Variants in SYNE2 observed in about 807,000 individuals in gnomAD.
SYNE2 encodes nesprin-2.
Under a neutral mutation model 856.3 loss-of-function variants are expected in SYNE2, and 431 were observed. The observed-to-expected ratio is 0.50, with a 90% CI of 0.47 to 0.55. SYNE2 has a LOEUF of 0.55. Ranked by LOEUF, SYNE2 falls within the 20% of genes least tolerant of loss-of-function variation. The pLI, the probability that SYNE2 is intolerant of heterozygous loss-of-function variation, is 0.00. For missense variants in SYNE2, 8,129 were observed against 8,023.2 expected, an observed-to-expected ratio of 1.01 and a Z score of -0.50; for synonymous variants, 2,923 against 2,872.3, an observed-to-expected ratio of 1.02 and a Z score of -0.56.
chr14:63,776,399 C>T (rs1887106153), intron 1 of SYNE2, among the ~76,000 whole-genome samples: 1 of 152,050 alleles, frequency 6.6e-6, no homozygotes, highest in African/African-American at 2.4e-5. Flanking sequence ...AGTTTTACTA[C>T]CATAATGAAA....
chr14:64,024,336 C>G lies in SYNE2; in HGVS notation c.5717C>G (p.Pro1906Arg), dbSNP rs2096960808. Reference protein sequence around the residue: ...SVLKHVKKHLPKAHVKELISW... With the variant: ...SVLKHVKKHLRKAHVKELISW... ...CTGAAGCATGTGAAGAAGCATCTGC[C>G]CAAAGCACATGTGAAGGAGCTTATC... Residue 1906 changes from proline to arginine, a missense_variant, in exon 39 of 116, where the codon CCC becomes CGC. Pro to Arg is a moderately radical substitution (Grantham distance 103). This residue lies in a region of SYNE2 where 2,422 missense variants were observed against 2,357.4 expected (regional missense o/e 1.03). Coordinates refer to ENST00000555002, the MANE Select transcript of SYNE2 (RefSeq NM_182914.3). 6.2e-7 allele frequency: 1 copy of G among 1,614,006 alleles called. No homozygotes were observed. The highest frequency in any genetic ancestry group is 2.2e-5 in the East Asian group (1 of 44,884).
At chr14:64,173,140 A>G (rs893637289) in intron 94 of SYNE2, among the ~76,000 whole-genome samples, 9 of 152,178 alleles carry the variant, frequency 5.9e-5, no homozygotes, top group Admixed American at 3.9e-4. Context: ...TAGGAGACGC[A>G]GTGCGTTAGG....
intron 32 of SYNE2, among the ~76,000 whole-genome samples, chr14:64,014,929 TTATATATATATATATATATA>T (rs372523173): frequency 2.4e-4 from 19 of 78,826 alleles, no homozygotes; most frequent in Admixed American, 1.2e-3. Flanking sequence ...GTATAATTCC[TTATATATATATATATATATA>T]TATATATATA....
intron 78 of SYNE2, 107 bp from the exon 79 acceptor site, chr14:64,137,679 AC>A: frequency 8.9e-7 from 1 of 1,121,908 alleles, no homozygotes; most frequent in Non-Finnish European, 1.3e-6. Context: ...GGAAAGTGTT[AC>A]TGTTTTATCA....
intron 30 of SYNE2, among the ~76,000 whole-genome samples, chr14:64,006,793 A>C (rs906106236): frequency 1.1e-4 from 17 of 152,290 alleles, no homozygotes; most frequent in Middle Eastern, 3.4e-3. Context: ...GCGCCACTGC[A>C]CTCAGCGTAG....
chr14:64,152,849 G>A, intron 85 of SYNE2, 133 bp downstream of exon 85: 1 of 1,193,832 alleles, frequency 8.4e-7, no homozygotes, highest in Non-Finnish European at 1.2e-6. Flanking sequence ...GAGAAAAATT[G>A]AAGTAAATTA....
chr14:64,194,361 C>T (rs1225084720), intron 99 of SYNE2, among the ~76,000 whole-genome samples: 1 of 151,948 alleles, frequency 6.6e-6, no homozygotes, highest in Non-Finnish European at 1.5e-5. Context: ...GGCACAGTCA[C>T]AGCTCACTGC....
intron 1 of SYNE2, among the ~76,000 whole-genome samples, chr14:63,904,407 C>A (rs2095379841): frequency 6.6e-6 from 1 of 152,154 alleles, no homozygotes. Context: ...AACTGCTTTC[C>A]ACAGTGGCTG....
Position 64,145,603 on chromosome 14 carries a change from TA to T in SYNE2, c.15484-459del, listed in dbSNP as rs201743214. On this transcript the variant is annotated intron_variant, in intron 83 of 115. Coordinates refer to ENST00000555002, the MANE Select transcript of SYNE2 (RefSeq NM_182914.3). The stretch of plus-strand genomic sequence containing the variant: ...TGTGTATATTATGATTATGACCTAA[TA>T]AAAAATTTATTATGAATGAGAATCA... 5.6e-3 allele frequency among the ~76,000 whole-genome samples: 856 copies of T among 152,108 alleles called. 7 individuals carry two copies. The highest frequency in any genetic ancestry group is 8.8e-3 in the Non-Finnish European group (601 of 68,002).
intron 76 of SYNE2, among the ~76,000 whole-genome samples, chr14:64,131,593 T>G (rs2098022164): frequency 6.6e-6 from 1 of 152,152 alleles, no homozygotes; most frequent in Non-Finnish European, 1.5e-5. Flanking sequence ...TGTTTTTGTT[T>G]TTTTAAGAGA....
chr14:64,123,178 T>C (rs61987276), intron 70 of SYNE2, among the ~76,000 whole-genome samples: 3,418 of 152,234 alleles, frequency 0.022, 45 homozygotes, highest in African/African-American at 0.037. Flanking sequence ...CTTTGGAATC[T>C]ACCATGTGCC....
chr14:63,995,270 T>C, intron 23 of SYNE2, 68 bp downstream of exon 23: 1 of 1,397,512 alleles, frequency 7.2e-7, no homozygotes, highest in East Asian at 2.4e-5. Context: ...GTTGTGTGTA[T>C]CTTTAGCCTA....
At position 64,170,347 on chromosome 14, in the gene SYNE2, C is replaced by T. The variant is rs764275809; in HGVS notation, c.17120C>T (p.Thr5707Ile). 6.2e-7 allele frequency: 1 copy of T among 1,614,044 alleles called. No individual in the cohort carries two copies. Among genetic ancestry groups the T allele is most frequent in the Non-Finnish European group, 8.5e-7 (1 of 1,180,034 alleles). Residue 5707 changes from threonine (T) to isoleucine (I), a missense_variant, in exon 94 of 116, where the codon ACT (threonine) becomes ATT (isoleucine). By Grantham distance (89) the Thr-to-Ile change is moderately conservative (BLOSUM62 -1). Transcript: ENST00000555002. ...GLVRQWQDFT[T>I]SVENLFRFLT... Reference sequence around the variant, plus strand: ...GTGAGGCAGTGGCAAGATTTCACTACTTCTGTGGAGAACTTGTTTCGCTTC... The same window carrying T: ...GTGAGGCAGTGGCAAGATTTCACTATTTCTGTGGAGAACTTGTTTCGCTTC...
chr14:64,167,421 T>G, intron 91 of SYNE2, 34 bp downstream of exon 91: 1 of 1,614,232 alleles, frequency 6.2e-7, no homozygotes, highest in South Asian at 1.1e-5. Flanking sequence ...TTGTTTCAAT[T>G]AAGGTAAAAT....
In SYNE2 at chr14:64,049,862, G is replaced by C; in HGVS notation, c.7629G>C (p.Lys2543Asn). The C allele has an allele frequency of 1.2e-6, 2 of 1,614,042 alleles. No individual in the cohort carries two copies. Among genetic ancestry groups the C allele is most frequent in the Non-Finnish European group, 1.7e-6 (2 of 1,179,960 alleles). ...ESSMKALLTD[K>N]ESLKVGPLDS... Reference sequence around the variant, plus strand: ...CAATGAAAGCCTTGTTGACAGACAAGGAAAGTCTTAAAGTGTAAGTGTAAG... The same window carrying C: ...CAATGAAAGCCTTGTTGACAGACAACGAAAGTCTTAAAGTGTAAGTGTAAG... Residue 2543 changes from lysine (K) to asparagine (N), a missense_variant, in exon 47 of 116, where the codon AAG becomes AAC. By Grantham distance (94) the Lys-to-Asn change is moderately conservative. Around this residue, in one of 3 missense-constraint regions of SYNE2, gnomAD observed 5,410 missense variants for 5,284.8 expected, o/e 1.02. Coordinates refer to ENST00000555002, the MANE Select transcript of SYNE2 (RefSeq NM_182914.3).
Position 63,986,572 on chromosome 14 carries a change from T to G in SYNE2, c.2268T>G (p.Val756=), listed in dbSNP as rs1233679313. The G allele has an allele frequency of 6.2e-7, 1 of 1,614,122 alleles. No homozygotes were observed. The highest frequency in any genetic ancestry group is 1.1e-5 in the South Asian group (1 of 91,078). ...TCTGGGAGGCAGAAGCCAAATCTGT[T>G]TTGGATCAAGATGATGTGGACACCT... is the stretch of plus-strand genomic sequence containing the variant. ...VEIWEAEAKS[V]LDQDDVDTSM... Residue 756 remains valine (V), a synonymous_variant, in exon 19 of 116, where the codon GTT becomes GTG. Transcript: ENST00000555002.
chr14:63,899,743 C>T (rs571285358), intron 1 of SYNE2, among the ~76,000 whole-genome samples: 2 of 152,234 alleles, frequency 1.3e-5, no homozygotes, highest in South Asian at 4.1e-4. Flanking sequence ...CTCAAGTGAT[C>T]CTCTTGCCTT....
Position 64,210,132 on chromosome 14 carries a change from C to T in SYNE2, c.18723+8C>T, listed in dbSNP as rs200853043. On this transcript the variant is annotated splice_region_variant and intron_variant, in intron 103 of 115. Coordinates refer to ENST00000555002, the MANE Select transcript of SYNE2 (RefSeq NM_182914.3). The stretch of plus-strand genomic sequence containing the variant: ...GTCCTGCGGAGACTCAGGGTGAGCT[C>T]CTCTGCACCTGGCTCGGGTGTAGAT... 4.1e-4 allele frequency: 656 copies of T among 1,612,500 alleles called. 3 individuals are homozygous for T. The South Asian group carries it at 4.4e-3, about 11-fold the overall frequency.
intron 1 of SYNE2, among the ~76,000 whole-genome samples, chr14:63,866,973 A>G (rs1895519100): frequency 6.6e-6 from 1 of 152,150 alleles, no homozygotes; most frequent in Admixed American, 6.5e-5. Context: ...AAAAGAAAAA[A>G]TTGTTAATAT....
Sources: allele counts gnomAD v4.1 joint callset (sites outside exome capture counted in the v4.1 genomes callset), GRCh38; gene constraint gnomAD v4.1.1; regional missense constraint gnomAD v4.1.1; transcripts MANE v1.5; gene names NCBI Gene and HGNC (gene_info 2026-07-23, HGNC 2026-07-21).